Variants in PFKP observed in about 807,000 individuals in gnomAD.
PFKP encodes phosphofructokinase, platelet, also known as ATP-dependent 6-phosphofructokinase, platelet type.
In PFKP, 101 loss-of-function variants were observed where a neutral mutation model predicts 94.3. The ratio of observed to expected loss-of-function variants is 1.07; its 90% CI spans 0.91 to 1.26. The LOEUF (loss-of-function observed/expected upper bound fraction) is 1.26, where lower values mean the gene tolerates loss of function less well. Among genes scored for constraint, PFKP ranks in the 50% most tolerant of loss-of-function variants. PFKP has a pLI of 0.00. For missense variants in PFKP, 1,145 were observed against 1,103.3 expected (o/e 1.04, Z -0.53); for synonymous variants, 573 against 432.6 (o/e 1.32, Z -4.03).
rs542537105 is a variant in PFKP at position 3,092,246 on chromosome 10, A to G, written c.187-7029A>G. ...CTTAGCTTCCCTTGTTTCAGCCCTG[A>G]GCATTACAGCTTGACTTACTATACC... On this transcript the variant is annotated intron_variant, in intron 2 of 21. Coordinates refer to ENST00000381125, the MANE Select transcript of PFKP (RefSeq NM_002627.5). Among the ~76,000 whole-genome samples the G allele has an allele frequency of 7.9e-5, 12 of 152,354 alleles. 1 individual carries two copies. In the South Asian group the frequency reaches 2.3e-3, roughly 29 times the overall value.
intron 10 of PFKP, among the ~76,000 whole-genome samples, chr10:3,110,534 G>C (rs1189232305): frequency 1.3e-5 from 2 of 151,988 alleles, no homozygotes; most frequent in African/African-American, 4.8e-5. Flanking sequence ...ATTTTTCAGA[G>C]TTCATTCATG....
chr10:3,126,694 T>C (rs1837983167), intron 16 of PFKP, among the ~76,000 whole-genome samples: 1 of 152,276 alleles, frequency 6.6e-6, no homozygotes, highest in Non-Finnish European at 1.5e-5. Context: ...GTGGCTTTTT[T>C]CTACGTTAAT....
intron 4 of PFKP, among the ~76,000 whole-genome samples, chr10:3,103,349 G>T (rs2892550): frequency 0.69 from 104,929 of 152,078 alleles, 36,887 homozygotes; most frequent in Middle Eastern, 0.85. Context: ...CCTTGAGTTC[G>T]GAGAAAATAA....
chr10:3,099,329 A>G lies in PFKP; in HGVS notation c.241A>G (p.Ser81Gly). 6.2e-7 allele frequency: 1 copy of G among 1,614,018 alleles called. No individual in the cohort carries two copies. ...GSNIAEADWE[S>G]VSSILQVGGT... ...AAACATCGCAGAGGCCGACTGGGAGAGTGTCTCCAGCATCCTGCAAGTGGT... is the reference window on the plus strand; with the variant it reads ...AAACATCGCAGAGGCCGACTGGGAGGGTGTCTCCAGCATCCTGCAAGTGGT... The change falls in exon 3 of 22, where the codon AGT becomes GGT. Residue 81 changes from serine (S) to glycine (G), a missense_variant. Ser to Gly is a moderately conservative substitution (Grantham distance 56). This residue lies in a region of PFKP where 1,119 missense variants were observed against 1,062.8 expected (regional missense o/e 1.05). Transcript: ENST00000381125.
chr10:3,106,582 T>G (rs1190711863), intron 7 of PFKP, among the ~76,000 whole-genome samples: 1 of 135,740 alleles, frequency 7.4e-6, no homozygotes, highest in Non-Finnish European at 1.6e-5. Context: ...ACAGCCGCCC[T>G]GCTCCTTCAC....
At position 3,111,707 on chromosome 10, in the gene PFKP, G is replaced by C. The variant is rs148058432; in HGVS notation, c.1090-515G>C. On this transcript the variant is annotated intron_variant, in intron 10 of 21. Coordinates refer to ENST00000381125, the MANE Select transcript of PFKP (RefSeq NM_002627.5). ...TTGACCAAGATCCTGACGTTGCCCAGGGCTGCCTGGCGTGCATCAGTCCCA... is the reference window on the plus strand; with the variant it reads ...TTGACCAAGATCCTGACGTTGCCCACGGCTGCCTGGCGTGCATCAGTCCCA... Among the ~76,000 whole-genome samples, 157 of 152,226 alleles carry C rather than the reference G, an allele frequency of 1.0e-3. 2 individuals are homozygous for C. In the East Asian group the frequency reaches 0.025, roughly 24 times the overall value.
chr10:3,107,337 C>G (rs1588485216), intron 8 of PFKP, 28 bp downstream of exon 8: 1 of 1,401,382 alleles, frequency 7.1e-7, no homozygotes, highest in Non-Finnish European at 1.0e-6. Flanking sequence ...CTCACTTTCT[C>G]TCGGTTTCTG....
At chr10:3,136,401 TCCC>T (rs1839351161) in intron 21 of PFKP, 46 bp from the exon 22 acceptor site, 2 of 1,600,058 alleles carry the variant, frequency 1.2e-6, no homozygotes, top group Admixed American at 1.7e-5. Context: ...CGGAGGCATC[TCCC>T]GCCAGTGACT....
intron 20 of PFKP, among the ~76,000 whole-genome samples, chr10:3,135,113 T>A (rs1269935402): frequency 6.6e-6 from 1 of 152,152 alleles, no homozygotes; most frequent in Non-Finnish European, 1.5e-5. Context: ...TTTTTTATAA[T>A]ACTCTTGTTA....
In PFKP at chr10:3,135,750, A is replaced by G. The variant is rs769410131; in HGVS notation, c.2137A>G (p.Thr713Ala). Reference sequence around the variant, plus strand: ...ATCTTTTATAGGAAAAAAATTTACCACCGATGATTCCATTTGTGTGCTGGG... The same window carrying G: ...ATCTTTTATAGGAAAAAAATTTACCGCCGATGATTCCATTTGTGTGCTGGG... ...EARGRGKKFT[T>A]DDSICVLGIS... Residue 713 changes from threonine to alanine, a missense_variant, in exon 21 of 22, where the codon ACC becomes GCC. Physicochemically the swap from Thr to Ala is moderately conservative, Grantham distance 58. Around this residue, in one of 3 missense-constraint regions of PFKP, gnomAD observed 1,119 missense variants for 1,062.8 expected, o/e 1.05. Coordinates refer to ENST00000381125, the MANE Select transcript of PFKP (RefSeq NM_002627.5). 1 of 1,610,326 alleles carries G rather than the reference A, an allele frequency of 6.2e-7. No homozygotes were observed. The highest frequency in any genetic ancestry group is 1.1e-5 in the South Asian group (1 of 90,756).
rs1246109264 is a variant in PFKP, at chr10:3,134,467, C to G, written c.2023-16C>G. On this transcript the variant is annotated splice_polypyrimidine_tract_variant and intron_variant, in intron 19 of 21. Coordinates refer to ENST00000381125, the MANE Select transcript of PFKP (RefSeq NM_002627.5). ...ACTGTATAACTGGTATTTCATATAACTCTAACCACCAACAGGGTGGGGCAC... is the reference window on the plus strand; with the variant it reads ...ACTGTATAACTGGTATTTCATATAAGTCTAACCACCAACAGGGTGGGGCAC... 1.1e-5 allele frequency: 16 copies of G among 1,481,704 alleles called. No homozygotes were observed. The highest frequency in any genetic ancestry group is 1.5e-5 in the Non-Finnish European group (16 of 1,059,478). The allele number at this position is 1,481,704 out of a possible 1,614,324, so 91.8% of individuals were successfully genotyped here.
chr10:3,101,097 A>T (rs138450858), intron 3 of PFKP: 2 of 997,818 alleles, frequency 2.0e-6, no homozygotes, highest in African/African-American at 1.6e-5. Flanking sequence ...TTCCTGCTCC[A>T]TGTATTTAAC....
At chr10:3,109,822 A>G (rs1393877841) in intron 10 of PFKP, among the ~76,000 whole-genome samples, 1 of 151,980 alleles carries the variant, frequency 6.6e-6, no homozygotes, top group Admixed American at 6.6e-5. Context: ...GACAGAGTGC[A>G]GGGAGGCAGC....
chr10:3,132,905 G>C (rs994448771), intron 18 of PFKP, among the ~76,000 whole-genome samples: 1 of 122,678 alleles, frequency 8.2e-6, no homozygotes, highest in African/African-American at 3.2e-5. Flanking sequence ...TGACGTTCTG[G>C]GTGGGACAGC....
chr10:3,129,747 T>TTGGGGGAGCTCTGGGATGG, intron 16 of PFKP, 72 bp from the exon 17 acceptor site: 1 of 1,531,988 alleles, frequency 6.5e-7, no homozygotes, highest in Non-Finnish European at 8.9e-7. Flanking sequence ...GCACTCACTC[T>TTGGGGGAGCTCTGGGATGG]TGGGGGAGCT....
At chr10:3,091,869 A>G (rs1420753752) in intron 2 of PFKP, among the ~76,000 whole-genome samples, 1 of 152,254 alleles carries the variant, frequency 6.6e-6, no homozygotes, top group Non-Finnish European at 1.5e-5. Flanking sequence ...TTTGTAAACA[A>G]TATCAGAGCT....
chr10:3,107,330 A>G (rs1286526326), intron 8 of PFKP, 21 bp downstream of exon 8: 1 of 1,460,102 alleles, frequency 6.8e-7, no homozygotes, highest in East Asian at 2.3e-5. Flanking sequence ...GTAGCTGCTC[A>G]CTTTCTCTCG....
intron 13 of PFKP, among the ~76,000 whole-genome samples, chr10:3,115,768 T>G (rs1292710051): frequency 6.6e-6 from 1 of 152,048 alleles, no homozygotes; most frequent in African/African-American, 2.4e-5. Flanking sequence ...AGAGAGAAGG[T>G]CCAGGACTGA....
chr10:3,081,977 C>CTTTTTTTTTTTTTTTTTTTTTTTTTT lies in PFKP; in HGVS notation c.113-404_113-379dup, dbSNP rs547880338. On this transcript the variant is annotated intron_variant, in intron 1 of 21. Transcript: ENST00000381125. ...CTTGTTTTCTGTTGAAGCCCATTGC[C>CTTTTTTTTTTTTTTTTTTTTTTTTTT]TTTTTTTTTTTTTTTTTTTTTTTTT... 2.9e-5 allele frequency among the ~76,000 whole-genome samples: 2 copies of CTTTTTTTTTTTTTTTTTTTTTTTTTT among 68,440 alleles called. 1 individual carries two copies. The highest frequency in any genetic ancestry group is 1.3e-4 in the African/African-American group (2 of 14,920). 44.9% of individuals were successfully genotyped at this position (68,440 alleles called of 152,430 possible). A position where few individuals can be genotyped will look rare whatever the true frequency, so the allele number is the denominator to read the frequency against.
Sources: gnomAD v4.1 joint callset for allele counts (sites outside exome capture counted in the v4.1 genomes callset) on GRCh38, gnomAD v4.1.1 for gene constraint, gnomAD v4.1.1 regional missense constraint, MANE v1.5 for transcripts, NCBI Gene and HGNC (gene_info 2026-07-23, HGNC 2026-07-21) for gene names.